The following MARCHF1 variants were observed in gnomAD, a reference collection of about 807,000 sequenced individuals.
The protein encoded by MARCHF1 is membrane associated ring-CH-type finger 1.
In MARCHF1, 40 loss-of-function variants were observed where a neutral mutation model predicts 54.2. The ratio of observed to expected loss-of-function variants is 0.74; its 90% CI spans 0.57 to 0.96. The LOEUF is 0.96. Among genes scored for constraint, MARCHF1 ranks in the 40% least tolerant of loss-of-function variants. MARCHF1 has a pLI of 0.00. For synonymous variants in MARCHF1, 236 were observed against 236.3 expected, an observed-to-expected ratio of 1.00 and a Z score of 0.01; for missense variants, 586 against 656.5, an observed-to-expected ratio of 0.89 and a Z score of 1.17.
chr4:163,967,621 TAGTC>T (rs1481476965), intron 3 of MARCHF1, among the ~76,000 whole-genome samples: 2 of 152,162 alleles, frequency 1.3e-5, no homozygotes, highest in South Asian at 2.1e-4. Context: ...ATGGCTGTCT[TAGTC>T]AGGGCTCTCC....
chr4:163,773,185 A>G lies in MARCHF1; in HGVS notation c.112-72322T>C, dbSNP rs554816799. On this transcript the variant is annotated intron_variant, in intron 4 of 9. Transcript: ENST00000514618. Reference sequence around the variant, plus strand: ...TCAGAAGAGCATAGATGTGTTATGAAAGGCGGAGCAGTCACTGACTAGAAG... The same window carrying G: ...TCAGAAGAGCATAGATGTGTTATGAGAGGCGGAGCAGTCACTGACTAGAAG... Among the ~76,000 whole-genome samples the G allele has an allele frequency of 2.0e-5, 3 of 152,200 alleles. No homozygotes were observed. In the East Asian group the frequency reaches 5.8e-4, roughly 30 times the overall value.
intron 1 of MARCHF1, among the ~76,000 whole-genome samples, chr4:164,326,177 G>A (rs1735276129): frequency 1.3e-5 from 2 of 152,066 alleles, no homozygotes; most frequent in African/African-American, 4.8e-5. Context: ...TACTAGAATT[G>A]CAGCTCTCCA....
At chr4:164,340,436 G>T (rs1461539478) in intron 1 of MARCHF1, among the ~76,000 whole-genome samples, 37 of 75,664 alleles carry the variant, frequency 4.9e-4, no homozygotes, top group Non-Finnish European at 6.9e-4. Flanking sequence ...TATATATATA[G>T]TTTGTTTGTT....
chr4:164,059,197 G>T (rs1339220105), intron 2 of MARCHF1, among the ~76,000 whole-genome samples: 1 of 152,182 alleles, frequency 6.6e-6, no homozygotes, highest in Non-Finnish European at 1.5e-5. Context: ...AAATATCAGT[G>T]ATTCCGGAGT....
intron 4 of MARCHF1, among the ~76,000 whole-genome samples, chr4:163,731,775 G>A (rs535993693): frequency 2.0e-5 from 3 of 152,286 alleles, no homozygotes; most frequent in East Asian, 3.9e-4. Flanking sequence ...AGTGTCTGCC[G>A]TTAATCACCT....
At chr4:163,839,226 A>G (rs1202181082) in intron 4 of MARCHF1, among the ~76,000 whole-genome samples, 2 of 152,078 alleles carry the variant, frequency 1.3e-5, no homozygotes, top group African/African-American at 4.8e-5. Context: ...CAAGTGTTGG[A>G]AAAAAAGAAT....
At chr4:164,124,355 G>A (rs1756136002) in intron 1 of MARCHF1, among the ~76,000 whole-genome samples, 1 of 152,100 alleles carries the variant, frequency 6.6e-6, no homozygotes, top group Non-Finnish European at 1.5e-5. Flanking sequence ...CAACCACTAT[G>A]GAGAACACTT....
chr4:163,785,617 A>C (rs551983074), intron 4 of MARCHF1, among the ~76,000 whole-genome samples: 63 of 152,158 alleles, frequency 4.1e-4, no homozygotes, highest in Admixed American at 7.2e-4. Flanking sequence ...TTAATTGAGG[A>C]ATAAAAGTTA....
chr4:164,008,141 G>T (rs951571583), intron 2 of MARCHF1, among the ~76,000 whole-genome samples: 5 of 152,050 alleles, frequency 3.3e-5, no homozygotes, highest in Non-Finnish European at 7.4e-5. Flanking sequence ...AGTAATAAAA[G>T]ATATTCCATA....
chr4:163,848,929 G>A (rs570461885), intron 4 of MARCHF1, among the ~76,000 whole-genome samples: 4 of 152,170 alleles, frequency 2.6e-5, no homozygotes, highest in East Asian at 1.9e-4. Flanking sequence ...ATAAAACGGC[G>A]GTGAGACTGG....
chr4:164,319,617 C>G (rs1167794334), intron 1 of MARCHF1, among the ~76,000 whole-genome samples: 1 of 151,878 alleles, frequency 6.6e-6, no homozygotes. Context: ...AATGTCAGAC[C>G]CCTAATACTG....
At chr4:164,209,972 T>C (rs370475707) in intron 1 of MARCHF1, among the ~76,000 whole-genome samples, 35 of 152,322 alleles carry the variant, frequency 2.3e-4, no homozygotes, top group African/African-American at 8.4e-4. Context: ...AATGAGTTAT[T>C]TGAATAAACA....
intron 1 of MARCHF1, among the ~76,000 whole-genome samples, chr4:164,143,306 C>T (rs1203336956): frequency 6.8e-6 from 1 of 146,530 alleles, no homozygotes; most frequent in Non-Finnish European, 1.5e-5. Context: ...CGTTCAGATT[C>T]AGGAAATACA....
At chr4:163,561,301 C>G (rs935761394) in intron 8 of MARCHF1, among the ~76,000 whole-genome samples, 1 of 152,014 alleles carries the variant, frequency 6.6e-6, no homozygotes, top group Non-Finnish European at 1.5e-5. Flanking sequence ...TTTTTCTATG[C>G]CTTCTTCTAA....
intron 1 of MARCHF1, among the ~76,000 whole-genome samples, chr4:164,335,789 C>T (rs970376576): frequency 6.6e-6 from 1 of 152,044 alleles, no homozygotes; most frequent in Admixed American, 6.6e-5. Flanking sequence ...GGACATAATG[C>T]TATAAATATA....
intron 1 of MARCHF1, among the ~76,000 whole-genome samples, chr4:164,333,860 A>G (rs776852757): frequency 7.2e-5 from 11 of 152,264 alleles, no homozygotes; most frequent in Non-Finnish European, 1.2e-4. Context: ...CTTGAAGGAA[A>G]TTAAAAGTGC....
chr4:163,991,505 C>G (rs1025014686), intron 2 of MARCHF1, among the ~76,000 whole-genome samples: 11 of 152,082 alleles, frequency 7.2e-5, no homozygotes, highest in Non-Finnish European at 1.5e-5. Context: ...CAAACTCAAA[C>G]TAAGAAAATT....
At chr4:163,554,405 G>C (rs1239772612) in intron 8 of MARCHF1, among the ~76,000 whole-genome samples, 1 of 152,188 alleles carries the variant, frequency 6.6e-6, no homozygotes, top group Non-Finnish European at 1.5e-5. Context: ...GTGTTGGAAA[G>C]AACAATGGAG....
intron 4 of MARCHF1, among the ~76,000 whole-genome samples, chr4:163,818,078 T>A (rs1274567166): frequency 6.6e-6 from 1 of 151,424 alleles, no homozygotes; most frequent in Non-Finnish European, 1.5e-5. Context: ...AACCTGCACA[T>A]TGTGCACATG....
Sources: allele counts gnomAD v4.1 joint callset (sites outside exome capture counted in the v4.1 genomes callset), GRCh38; gene constraint gnomAD v4.1.1; transcripts MANE v1.5; gene names NCBI Gene and HGNC (gene_info 2026-07-23, HGNC 2026-07-21).